The following SLC4A8 variants were observed in gnomAD, a reference collection of about 807,000 sequenced individuals.
SLC4A8 encodes the protein electroneutral sodium bicarbonate exchanger 1.
SLC4A8 carries 40 observed loss-of-function variants against 125.0 expected under a neutral mutation model. That is an observed-to-expected ratio of 0.32 (90% CI 0.25 to 0.42). The LOEUF (loss-of-function observed/expected upper bound fraction) is 0.42, where lower values mean the gene tolerates loss of function less well. SLC4A8 is among the 10% of genes least tolerant of loss of function. SLC4A8 has a pLI of 1.00. For synonymous variants in SLC4A8, 456 were observed against 476.0 expected, an observed-to-expected ratio of 0.96 and a Z score of 0.55; for missense variants, 863 against 1,355.1, an observed-to-expected ratio of 0.64 and a Z score of 5.70.
chr12:51,441,204 A>G, intron 2 of SLC4A8: 1 of 983,260 alleles, frequency 1.0e-6, no homozygotes, highest in Non-Finnish European at 1.2e-6. Context: ...CCCTATTTTT[A>G]CCCCATTTCC....
At chr12:51,493,605 G>C in intron 19 of SLC4A8, 99 bp from the exon 20 acceptor site, 1 of 804,442 alleles carries the variant, frequency 1.2e-6, no homozygotes, top group Non-Finnish European at 2.2e-6. Context: ...GCTATTTTGT[G>C]ACTTTGTTTC....
chr12:51,423,900 G>T (rs1406830374), upstream of SLC4A8, among the ~76,000 whole-genome samples: 1 of 151,794 alleles, frequency 6.6e-6, no homozygotes, highest in East Asian at 1.9e-4. Flanking sequence ...GCCGGGCGTG[G>T]TGGTGGGGAC....
rs555310389 is a variant in SLC4A8 at position 51,417,039 on chromosome 12, T to G, written c.-111-23669T>G. ...AGGAGGCTGAGGTGGGAGGATCACT[T>G]GCATCCAGGAGTTTGAGGCAAGATC... is the stretch of plus-strand genomic sequence containing the variant. On this transcript the variant is annotated intron_variant, in intron 1 of 24. Coordinates refer to the SLC4A8 transcript ENST00000358657. Among the ~76,000 whole-genome samples the G allele has an allele frequency of 5.3e-4, 81 of 152,214 alleles. 1 individual carries two copies. The highest frequency in any genetic ancestry group is 2.9e-3 in the Admixed American group (45 of 15,284).
chr12:51,421,283 T>C (rs2138004238), upstream of SLC4A8, among the ~76,000 whole-genome samples: 1 of 152,266 alleles, frequency 6.6e-6, no homozygotes, highest in South Asian at 2.1e-4. Context: ...TAAGGAGCAG[T>C]AGATGTTAGG....
At position 51,465,882 on chromosome 12, in the gene SLC4A8, A is replaced by G. The variant is rs564359235; in HGVS notation, c.1349+2168A>G. Among the ~76,000 whole-genome samples the G allele has an allele frequency of 1.3e-4, 20 of 152,284 alleles. No individual in the cohort carries two copies. The East Asian group carries it at 3.5e-3, about 26-fold the overall frequency. ...AGTCTTTTTTGTATATGGACATCCT[A>G]TAAGTTTCTGTACTTTCCTGGACTG... On this transcript the variant is annotated intron_variant, in intron 11 of 24. Coordinates refer to ENST00000453097, the MANE Select transcript of SLC4A8 (RefSeq NM_001039960.3).
At chr12:51,394,289 G>C (rs532505035) in intron 1 of SLC4A8, among the ~76,000 whole-genome samples, 2 of 152,376 alleles carry the variant, frequency 1.3e-5, no homozygotes, top group African/African-American at 4.8e-5. Context: ...TACTTCAGCT[G>C]ACGCTGATTT....
At chr12:51,474,651 TC>T in intron 15 of SLC4A8, 2 of 900,742 alleles carry the variant, frequency 2.2e-6, no homozygotes, top group Non-Finnish European at 1.6e-6. Context: ...TTCTCTTTTC[TC>T]CCCCCTACAT....
chr12:51,489,295 ATAT>A (rs1951241349), intron 18 of SLC4A8, among the ~76,000 whole-genome samples: 1 of 152,130 alleles, frequency 6.6e-6, no homozygotes, highest in Admixed American at 6.5e-5. Flanking sequence ...CAGGCAAGCA[ATAT>A]CCAAATCTGT....
intron 3 of SLC4A8, 54 bp downstream of exon 3, chr12:51,451,076 C>G: frequency 7.3e-7 from 1 of 1,362,394 alleles, no homozygotes; most frequent in Middle Eastern, 2.6e-4. Flanking sequence ...AATGGGGAGG[C>G]TGAGGGGACA....
intron 1 of SLC4A8, among the ~76,000 whole-genome samples, chr12:51,393,996 G>T (rs549261935): frequency 5.9e-5 from 9 of 152,226 alleles, no homozygotes; most frequent in Non-Finnish European, 1.0e-4. Flanking sequence ...TCTTCTTGGG[G>T]CTGAACACTC....
chr12:51,498,472 A>T (rs907352551), intron 22 of SLC4A8, among the ~76,000 whole-genome samples: 3 of 152,078 alleles, frequency 2.0e-5, no homozygotes, highest in African/African-American at 7.2e-5. Flanking sequence ...TAAAAAAGAA[A>T]TGAAAATTTA....
chr12:51,414,011 T>A (rs938062262), intron 1 of SLC4A8, among the ~76,000 whole-genome samples: 1 of 152,190 alleles, frequency 6.6e-6, no homozygotes, highest in Non-Finnish European at 1.5e-5. Context: ...TTGTTTTGGG[T>A]AGTATGGTCA....
intron 1 of SLC4A8, among the ~76,000 whole-genome samples, chr12:51,399,921 G>A (rs768103315): frequency 6.6e-6 from 1 of 151,866 alleles, no homozygotes; most frequent in Non-Finnish European, 1.5e-5. Context: ...GGTGGAGGTT[G>A]CAGTGAGCTG....
chr12:51,411,684 T>G (rs1948600859), intron 1 of SLC4A8, among the ~76,000 whole-genome samples: 2 of 152,214 alleles, frequency 1.3e-5, no homozygotes, highest in Admixed American at 1.3e-4. Context: ...TTCATATTTA[T>G]GTATGTAATT....
intron 1 of SLC4A8, among the ~76,000 whole-genome samples, chr12:51,411,204 A>G (rs1172012401): frequency 6.6e-6 from 1 of 151,826 alleles, no homozygotes; most frequent in Non-Finnish European, 1.5e-5. Flanking sequence ...TCCCTATGCA[A>G]TAATTTGGTT....
chr12:51,418,953 C>T (rs1407766607), intron 1 of SLC4A8, among the ~76,000 whole-genome samples: 1 of 152,142 alleles, frequency 6.6e-6, no homozygotes. Context: ...TGTGAAAACT[C>T]CCATCTTATG....
rs1425020470 is a variant in SLC4A8, at chr12:51,493,580, T to G, written c.2701-124T>G. ...GTCACCCACAGGCAGCAGAAACTAA[T>G]GCAATGTGTCTGCAGCTATTTTGTG... On this transcript the variant is annotated intron_variant, in intron 19 of 24. Coordinates refer to ENST00000453097, the MANE Select transcript of SLC4A8 (RefSeq NM_001039960.3). 2.5e-5 allele frequency: 17 copies of G among 676,026 alleles called. No individual in the cohort carries two copies. The South Asian group carries it at 3.0e-4, about 12-fold the overall frequency. The allele number at this position is 676,026 out of a possible 1,614,324, so 41.9% of individuals were successfully genotyped here.
chr12:51,447,052 G>GTCTATCTATCTATCTA (rs386363007), intron 2 of SLC4A8, among the ~76,000 whole-genome samples: 1 of 149,250 alleles, frequency 6.7e-6, no homozygotes, highest in African/African-American at 2.5e-5. Context: ...CTGTCTGTCT[G>GTCTATCTATCTATCTA]TCTGTCTATC....
chr12:51,451,526 T>G (rs181961543), intron 3 of SLC4A8, among the ~76,000 whole-genome samples: 4 of 152,320 alleles, frequency 2.6e-5, no homozygotes, highest in African/African-American at 9.6e-5. Context: ...ACTCTTAATA[T>G]TTTTTCAAAA....
Sources: allele counts gnomAD v4.1 joint callset (sites outside exome capture counted in the v4.1 genomes callset), GRCh38; gene constraint gnomAD v4.1.1; transcripts MANE v1.5; gene names NCBI Gene and HGNC (gene_info 2026-07-23, HGNC 2026-07-21).